Variants in MAPK10 observed in about 807,000 individuals in gnomAD.
MAPK10 encodes the protein JNK3 alpha protein kinase.
MAPK10 carries 25 observed loss-of-function variants against 59.3 expected under a neutral mutation model. That is an observed-to-expected ratio of 0.42 (90% CI 0.31 to 0.59). The LOEUF is 0.59. MAPK10 is among the 20% of genes least tolerant of loss of function. MAPK10 has a pLI of 0.15. For synonymous variants in MAPK10, 190 were observed against 200.5 expected (o/e 0.95, Z 0.44); for missense variants, 351 against 568.9 (o/e 0.62, Z 3.90).
At chr4:86,242,983 TG>T (rs2092838168) in intron 2 of MAPK10, among the ~76,000 whole-genome samples, 1 of 152,212 alleles carries the variant, frequency 6.6e-6, no homozygotes, top group Admixed American at 6.5e-5. Flanking sequence ...ATCATTGGGT[TG>T]CACAGTTCCG....
chr4:86,573,271 A>C (rs962347272), intron 1 of MAPK10, among the ~76,000 whole-genome samples: 1 of 152,158 alleles, frequency 6.6e-6, no homozygotes, highest in African/African-American at 2.4e-5. Context: ...ATTTTGATCT[A>C]TGTACAATTT....
At chr4:86,332,893 T>A (rs6531917) in intron 2 of MAPK10, among the ~76,000 whole-genome samples, 35,533 of 152,114 alleles carry the variant, frequency 0.23, 4,655 homozygotes, top group South Asian at 0.43. Flanking sequence ...AGGTTTTGCA[T>A]CCAAATTTAA....
At chr4:86,416,717 G>A (rs1184656893) in intron 1 of MAPK10, among the ~76,000 whole-genome samples, 1 of 152,168 alleles carries the variant, frequency 6.6e-6, no homozygotes, top group Non-Finnish European at 1.5e-5. Flanking sequence ...CACAGATGTA[G>A]GAGCCCAGAA....
Position 86,230,096 on chromosome 4 carries a change from A to G in MAPK10, c.-6-35689T>C, listed in dbSNP as rs113245585. ...GAAATATAATGACATGTTCATAAAC[A>G]CTTTTGAGTTGTCAGATCTGAAAAT... On this transcript the variant is annotated intron_variant, in intron 2 of 13. Transcript: ENST00000641462. Among the ~76,000 whole-genome samples, 35 of 152,334 alleles carry G rather than the reference A, an allele frequency of 2.3e-4. No homozygotes were observed. In the Middle Eastern group the frequency reaches 0.01, roughly 44 times the overall value.
rs2148885930 is a variant in MAPK10 at position 86,014,759 on chromosome 4, T to TA, written c.*2468dup. ...TACTCTGAGGGGGAAATTCACCACT[T>TA]ATGCAGGTACGAGAGATAGCCTGTC... On this transcript the variant is annotated 3_prime_UTR_variant, in exon 14 of 14. Transcript: ENST00000641462. The TA allele has an allele frequency of 6.6e-6, 1 of 152,224 alleles. No individual in the cohort carries two copies. The highest frequency in any genetic ancestry group is 2.4e-5 in the African/African-American group (1 of 41,518). 9.4% of individuals were successfully genotyped at this position (152,224 alleles called of 1,614,324 possible).
Position 86,387,307 on chromosome 4 carries a change from G to A in MAPK10, c.-121-32663C>T, listed in dbSNP as rs148554216. Among the ~76,000 whole-genome samples, 613 of 152,196 alleles carry A rather than the reference G, an allele frequency of 4.0e-3. 1 individual carries two copies. Among genetic ancestry groups the A allele is most frequent in the African/African-American group, 0.014 (583 of 41,530 alleles). On this transcript the variant is annotated intron_variant, in intron 1 of 13. Transcript: ENST00000361569. ...TTTTACTTGAATAAGAAAAATCATT[G>A]CCTGATTTAATTTTGCCAATGATTT...
intron 2 of MAPK10, chr4:86,268,515 G>C (rs1179823393): frequency 1.3e-5 from 2 of 152,316 alleles, no homozygotes; most frequent in African/African-American, 4.8e-5. Context: ...GCTCTGCCTT[G>C]ATGGTGTTTC....
intron 2 of MAPK10, among the ~76,000 whole-genome samples, chr4:86,217,078 C>T (rs1280234104): frequency 6.6e-6 from 1 of 152,102 alleles, no homozygotes; most frequent in East Asian, 1.9e-4. Flanking sequence ...ACATCTCATC[C>T]ATGAGGCAAT....
At chr4:86,537,126 C>A (rs977332021) in intron 1 of MAPK10, among the ~76,000 whole-genome samples, 1 of 152,168 alleles carries the variant, frequency 6.6e-6, no homozygotes, top group Non-Finnish European at 1.5e-5. Context: ...AGTAGCCCTG[C>A]AGGGAATGTT....
chr4:86,394,142 A>C (rs1417821992), intron 1 of MAPK10, among the ~76,000 whole-genome samples: 1 of 151,988 alleles, frequency 6.6e-6, no homozygotes, highest in Non-Finnish European at 1.5e-5. Flanking sequence ...GGTGGCATGC[A>C]CCTGTAATCC....
At position 86,165,543 on chromosome 4, in the gene MAPK10, ATTTTTTTTTTTTTTTTTT is replaced by A. The variant is rs10525325; in HGVS notation, c.67-6094_67-6077del. Among the ~76,000 whole-genome samples, 350 of 57,300 alleles carry A rather than the reference ATTTTTTTTTTTTTTTTTT, an allele frequency of 6.1e-3. 5 individuals carry two copies. The highest frequency in any genetic ancestry group is 0.018 in the African/African-American group (313 of 17,746). 37.6% of individuals were successfully genotyped at this position (57,300 alleles called of 152,430 possible). Reference sequence around the variant, plus strand: ...AGGCACATGCCACCACTCCCAGATAATTTTTTTTTTTTTTTTTTTTTTTTTTTTTTTTTTTTTTTTAGA... The same window carrying A: ...AGGCACATGCCACCACTCCCAGATAATTTTTTTTTTTTTTTTTTTTTTAGA... On this transcript the variant is annotated intron_variant, in intron 3 of 13. Transcript: ENST00000641462.
chr4:86,180,489 C>CAAA (rs34911547), intron 3 of MAPK10, among the ~76,000 whole-genome samples: 1 of 77,504 alleles, frequency 1.3e-5, no homozygotes, highest in Non-Finnish European at 2.5e-5. Flanking sequence ...GGGTGTTCAT[C>CAAA]AAAAAAAAAA....
intron 1 of MAPK10, chr4:86,384,090 C>A (rs1308805539): frequency 6.6e-6 from 1 of 152,154 alleles, no homozygotes; most frequent in Admixed American, 6.5e-5. Flanking sequence ...AACATAAAAT[C>A]TCTCCTTACC....
At chr4:86,571,005 C>T (rs1234130320) in intron 1 of MAPK10, among the ~76,000 whole-genome samples, 5 of 151,962 alleles carry the variant, frequency 3.3e-5, no homozygotes, top group African/African-American at 7.3e-5. Context: ...TACCAGACAG[C>T]GTTTTTAACC....
intron 1 of MAPK10, among the ~76,000 whole-genome samples, chr4:86,365,505 T>C (rs1737716787): frequency 6.7e-6 from 1 of 149,694 alleles, no homozygotes; most frequent in African/African-American, 2.4e-5. Flanking sequence ...TAATCCTCTA[T>C]TTCTCATTAT....
chr4:86,325,104 T>G (rs1434830275), intron 2 of MAPK10, among the ~76,000 whole-genome samples: 1 of 152,160 alleles, frequency 6.6e-6, no homozygotes, highest in Non-Finnish European at 1.5e-5. Context: ...TCTTCTTCTA[T>G]ACCTATGAGC....
intron 1 of MAPK10, among the ~76,000 whole-genome samples, chr4:86,465,909 C>G (rs1752159798): frequency 1.3e-5 from 2 of 152,160 alleles, no homozygotes; most frequent in African/African-American, 4.8e-5. Flanking sequence ...CGGAAGAAAA[C>G]CTGAGGAAAG....
chr4:86,507,744 A>G (rs1755910759), intron 1 of MAPK10, among the ~76,000 whole-genome samples: 1 of 146,080 alleles, frequency 6.8e-6, no homozygotes. Context: ...ATAGAATTAT[A>G]CTGTGAAAGT....
chr4:86,033,991 G>A (rs930489423), intron 11 of MAPK10, among the ~76,000 whole-genome samples: 2 of 151,904 alleles, frequency 1.3e-5, no homozygotes, highest in African/African-American at 4.8e-5. Context: ...TTGAGCACTC[G>A]CTTGTGCTCT....
Sources: gnomAD v4.1 joint callset for allele counts (sites outside exome capture counted in the v4.1 genomes callset) on GRCh38, gnomAD v4.1.1 for gene constraint, MANE v1.5 for transcripts, NCBI Gene and HGNC (gene_info 2026-07-23, HGNC 2026-07-21) for gene names.